The following VOPP1 variants were observed in gnomAD, a reference collection of about 807,000 sequenced individuals.
The protein encoded by VOPP1 is WW domain binding protein VOPP1.
Under a neutral mutation model 23.5 loss-of-function variants are expected in VOPP1, and 8 were observed. The observed-to-expected ratio is 0.34, with a 90% confidence interval of 0.20 to 0.61. The LOEUF is 0.61. Ranked by LOEUF, VOPP1 falls within the 20% of genes least tolerant of loss-of-function variation. VOPP1 has a pLI of 0.78. For missense variants in VOPP1, 174 were observed against 238.1 expected, an observed-to-expected ratio of 0.73 and a Z score of 1.77; for synonymous variants, 83 against 97.3, an observed-to-expected ratio of 0.85 and a Z score of 0.86.
downstream of VOPP1, among the ~76,000 whole-genome samples, chr7:55,468,271 GAAAAAA>G: frequency 1.8e-5 from 1 of 54,270 alleles, no homozygotes; most frequent in South Asian, 6.2e-4. Context: ...CTTCGTCTCA[GAAAAAA>G]AAAAAAAAAA....
At chr7:55,435,206 CTG>C (rs1790794497), downstream of VOPP1, among the ~76,000 whole-genome samples, 1 of 152,172 alleles carries the variant, frequency 6.6e-6, no homozygotes, top group Non-Finnish European at 1.5e-5. Context: ...ATGCAGAATT[CTG>C]TGTGCATATG....
At position 55,460,282 on chromosome 7, in the gene VOPP1, C is replaced by T. The variant is rs560086729; in HGVS notation, n.418-24108G>A. 5.3e-5 allele frequency among the ~76,000 whole-genome samples: 8 copies of T among 152,290 alleles called. No homozygotes were observed. In the South Asian group the frequency reaches 1.7e-3, roughly 32 times the overall value. On this transcript the variant is annotated intron_variant and non_coding_transcript_variant, in intron 4 of 4. Transcript: ENST00000462326. ...TGTTGAGATTTATTTTGTGGCCTAA[C>T]ATATGGCCTATCCTGGAGAATGTTC...
intron 1 of VOPP1, among the ~76,000 whole-genome samples, chr7:55,549,845 T>A (rs1042512460): frequency 1.3e-5 from 2 of 152,228 alleles, no homozygotes; most frequent in Non-Finnish European, 2.9e-5. Context: ...ATCTCACATA[T>A]TAAAATGCCA....
At chr7:55,522,226 C>T (rs1475563436) in intron 1 of VOPP1, among the ~76,000 whole-genome samples, 1 of 152,142 alleles carries the variant, frequency 6.6e-6, no homozygotes, top group Non-Finnish European at 1.5e-5. Context: ...GAGACAGGCC[C>T]CACATCTACA....
chr7:55,540,226 T>C (rs1797058186), intron 1 of VOPP1, among the ~76,000 whole-genome samples: 1 of 151,788 alleles, frequency 6.6e-6, no homozygotes, highest in Non-Finnish European at 1.5e-5. Context: ...AGTGAAACCC[T>C]GTCTCCGCTA....
At chr7:55,448,537 C>T (rs112910631) in intron 4 of VOPP1, among the ~76,000 whole-genome samples, 2,551 of 144,302 alleles carry the variant, frequency 0.018, 47 homozygotes, top group African/African-American at 0.043. Context: ...TTCGCTCGAG[C>T]CCCGGTCCTG....
At chr7:55,496,856 T>C (rs1793988064) in intron 3 of VOPP1, among the ~76,000 whole-genome samples, 1 of 152,240 alleles carries the variant, frequency 6.6e-6, no homozygotes, top group Non-Finnish European at 1.5e-5. Context: ...CTAAACTTTT[T>C]TGAAGTTCAC....
chr7:55,445,101 A>G (rs1424298443), intron 4 of VOPP1, among the ~76,000 whole-genome samples: 1 of 152,202 alleles, frequency 6.6e-6, no homozygotes, highest in Non-Finnish European at 1.5e-5. Context: ...CTCTCTTGGA[A>G]GATGTATCTT....
intron 4 of VOPP1, among the ~76,000 whole-genome samples, chr7:55,462,660 T>TAACTTCA (rs1478636455): frequency 6.8e-6 from 1 of 148,130 alleles, no homozygotes; most frequent in Admixed American, 6.7e-5. Flanking sequence ...ATTATATTTT[T>TAACTTCA]TTTTTTTTTT....
chr7:55,522,564 C>T (rs1304669921), intron 1 of VOPP1, among the ~76,000 whole-genome samples: 1 of 152,198 alleles, frequency 6.6e-6, no homozygotes, highest in Non-Finnish European at 1.5e-5. Flanking sequence ...GGTCTGCCTT[C>T]CATGTGTCAC....
chr7:55,463,467 G>C (rs1223027953), intron 4 of VOPP1, among the ~76,000 whole-genome samples: 1 of 152,146 alleles, frequency 6.6e-6, no homozygotes, highest in Non-Finnish European at 1.5e-5. Flanking sequence ...CTATTGTATT[G>C]GTTGGGTAGG....
intron 3 of VOPP1, 52 bp from the exon 4 acceptor site, chr7:55,492,470 G>A: frequency 6.4e-7 from 1 of 1,551,850 alleles, no homozygotes; most frequent in Non-Finnish European, 8.7e-7. Context: ...GGCCCTGAGG[G>A]CTTGGCCCTA....
At chr7:55,468,025 G>C (rs1397871548), downstream of VOPP1, among the ~76,000 whole-genome samples, 2 of 152,206 alleles carry the variant, frequency 1.3e-5, no homozygotes, top group Non-Finnish European at 2.9e-5. Flanking sequence ...TGTAATCCCA[G>C]AACTTTGGGA....
At position 55,445,991 on chromosome 7, in the gene VOPP1, CT is replaced by C. The variant is rs3066310; in HGVS notation, n.418-9818del. On this transcript the variant is annotated intron_variant and non_coding_transcript_variant, in intron 4 of 4. Transcript: ENST00000462326. The stretch of plus-strand genomic sequence containing the variant: ...CTGTTGTGGAGGTATCCAGGTGAAA[CT>C]TTTTTTTTTTTTTTTTTTGAGACGG... Among the ~76,000 whole-genome samples, 232 of 128,272 alleles carry C rather than the reference CT, an allele frequency of 1.8e-3. 1 individual carries two copies. The highest frequency in any genetic ancestry group is 4.7e-3 in the East Asian group (20 of 4,246). The allele number at this position is 128,272 out of a possible 152,430, so 84.2% of individuals were successfully genotyped here. A position where few individuals can be genotyped will look rare whatever the true frequency, so the allele number is the denominator to read the frequency against.
At chr7:55,507,265 C>T (rs1378373558) in intron 2 of VOPP1, among the ~76,000 whole-genome samples, 1 of 152,194 alleles carries the variant, frequency 6.6e-6, no homozygotes, top group Non-Finnish European at 1.5e-5. Flanking sequence ...GGACACACTC[C>T]TCAGGAGATT....
chr7:55,511,402 G>A (rs146972518), intron 2 of VOPP1, among the ~76,000 whole-genome samples: 6 of 152,214 alleles, frequency 3.9e-5, no homozygotes, highest in Non-Finnish European at 5.9e-5. Context: ...CATACCAAAC[G>A]GAACTTTTAA....
intron 4 of VOPP1, among the ~76,000 whole-genome samples, chr7:55,484,920 C>G (rs534432445): frequency 6.6e-6 from 1 of 152,292 alleles, no homozygotes; most frequent in South Asian, 2.1e-4. Flanking sequence ...GAATCCAGTA[C>G]GCACCTTCTC....
intron 3 of VOPP1, 37 bp from the exon 4 acceptor site, chr7:55,492,455 G>A (rs772301726): frequency 1.3e-6 from 2 of 1,577,858 alleles, no homozygotes; most frequent in South Asian, 2.3e-5. Flanking sequence ...GTGCTCCCAG[G>A]TGGGGGCCCT....
At chr7:55,548,913 T>C (rs1797479969) in intron 1 of VOPP1, among the ~76,000 whole-genome samples, 1 of 152,182 alleles carries the variant, frequency 6.6e-6, no homozygotes, top group Admixed American at 6.5e-5. Flanking sequence ...AAATCCACCC[T>C]GGGGGGATGT....
Sources: gnomAD v4.1 joint callset for allele counts (sites outside exome capture counted in the v4.1 genomes callset) on GRCh38, gnomAD v4.1.1 for gene constraint, MANE v1.5 for transcripts, NCBI Gene and HGNC (gene_info 2026-07-23, HGNC 2026-07-21) for gene names.